GOLPH3L: variants seen among roughly 807,000 people sequenced by gnomAD.
GOLPH3L encodes golgi phosphoprotein 3 like.
Under a neutral mutation model 30.3 loss-of-function variants are expected in GOLPH3L, and 22 were observed. The observed-to-expected ratio is 0.73, with a 90% CI of 0.52 to 1.04. GOLPH3L has a LOEUF of 1.04. Among genes scored for constraint, GOLPH3L ranks in the 50% least tolerant of loss-of-function variants. GOLPH3L has a pLI of 0.00. For synonymous variants in GOLPH3L, 120 were observed against 128.2 expected (o/e 0.94, Z 0.43); for missense variants, 303 against 345.8 (o/e 0.88, Z 0.98).
chr1:150,692,777 CTA>C (rs1651242728), intron 2 of GOLPH3L, among the ~76,000 whole-genome samples: 1 of 152,174 alleles, frequency 6.6e-6, no homozygotes, highest in South Asian at 2.1e-4. Context: ...ATTTTTTATT[CTA>C]TTTCCTAAAA....
chr1:150,651,947 C>G (rs982020184), intron 4 of GOLPH3L, among the ~76,000 whole-genome samples: 1 of 152,092 alleles, frequency 6.6e-6, no homozygotes, highest in Non-Finnish European at 1.5e-5. Flanking sequence ...GAAAAACACT[C>G]AACCACACAT....
In GOLPH3L at chr1:150,662,130, G is replaced by C. The variant is rs2458394; in HGVS notation, c.316-202C>G. Among the ~76,000 whole-genome samples the C allele has an allele frequency of 0.021, 3,187 of 152,146 alleles. 128 individuals carry two copies. The highest frequency in any genetic ancestry group is 0.072 in the African/African-American group (2,998 of 41,454). ...AAAATAACATTTGAAGTGGGCCCTA[G>C]TGACAAACTGGATATGAATGATAAT... is the stretch of plus-strand genomic sequence containing the variant. On this transcript the variant is annotated intron_variant, in intron 3 of 4. Transcript: ENST00000271732.
At chr1:150,660,658 T>C (rs969131755) in intron 4 of GOLPH3L, among the ~76,000 whole-genome samples, 2 of 152,244 alleles carry the variant, frequency 1.3e-5, no homozygotes, top group Non-Finnish European at 2.9e-5. Flanking sequence ...GAAAACATTA[T>C]GCTTGGTGAA....
At chr1:150,651,962 G>T (rs1275971392) in intron 4 of GOLPH3L, among the ~76,000 whole-genome samples, 1 of 152,088 alleles carries the variant, frequency 6.6e-6, no homozygotes, top group African/African-American at 2.4e-5. Flanking sequence ...ACACATTGGA[G>T]AAGTTCAACA....
chr1:150,685,408 C>T (rs587766914), intron 2 of GOLPH3L, among the ~76,000 whole-genome samples: 9 of 152,246 alleles, frequency 5.9e-5, no homozygotes, highest in African/African-American at 2.2e-4. Flanking sequence ...TAATAGGAGG[C>T]ATAAATTAAA....
intron 2 of GOLPH3L, among the ~76,000 whole-genome samples, chr1:150,667,806 G>C (rs1650544318): frequency 6.6e-6 from 1 of 151,918 alleles, no homozygotes; most frequent in African/African-American, 2.4e-5. Context: ...GTGTTAGCTA[G>C]GATGGTCTTG....
rs1194162018 is a variant in GOLPH3L at position 150,648,267 on chromosome 1, G to A, written c.*54C>T. 8.2e-6 allele frequency: 10 copies of A among 1,214,890 alleles called. No individual in the cohort carries two copies. In the South Asian group the frequency reaches 1.3e-4, roughly 16 times the overall value. 75.3% of individuals were successfully genotyped at this position (1,214,890 alleles called of 1,614,324 possible). The stretch of plus-strand genomic sequence containing the variant: ...CTCATCACACAAAACTCAGTGATGG[G>A]GTCTCTGACAGTCACCAGCCAGCAG... On this transcript the variant is annotated 3_prime_UTR_variant, in exon 5 of 5. Transcript: ENST00000271732.
At chr1:150,648,874 A>C (rs587649587) in intron 4 of GOLPH3L, 126 bp from the exon 5 acceptor site, 1 of 648,866 alleles carries the variant, frequency 1.5e-6, no homozygotes, top group Non-Finnish European at 2.7e-6. Flanking sequence ...AATTCATTTA[A>C]TCCTTAGTCC....
chr1:150,675,600 C>T (rs757219207), intron 2 of GOLPH3L, among the ~76,000 whole-genome samples: 3 of 151,498 alleles, frequency 2.0e-5, no homozygotes, highest in Admixed American at 6.6e-5. Flanking sequence ...CATGTTGAAA[C>T]CCCGTCTCTA....
rs587746294 is a variant in GOLPH3L, at chr1:150,662,423, T to G, written c.316-495A>C. 2.0e-5 allele frequency among the ~76,000 whole-genome samples: 3 copies of G among 152,234 alleles called. No individual in the cohort carries two copies. In the East Asian group the frequency reaches 5.8e-4, roughly 29 times the overall value. The stretch of plus-strand genomic sequence containing the variant: ...GAAAGTCAGAAAAGGAAGTCAGTTT[T>G]GGGGAAAGGTTGATAATTTGGTTTT... On this transcript the variant is annotated intron_variant, in intron 3 of 4. Coordinates refer to ENST00000271732, the MANE Select transcript of GOLPH3L (RefSeq NM_018178.6).
rs769280245 is a variant in GOLPH3L at position 150,661,871 on chromosome 1, G to A, written c.373C>T (p.His125Tyr). Residue 125 changes from histidine to tyrosine, a missense_variant, in exon 4 of 5, where the codon CAC (histidine) becomes TAC (tyrosine). Physicochemically the swap from His to Tyr is moderately conservative, Grantham distance 83. Coordinates refer to ENST00000271732, the MANE Select transcript of GOLPH3L (RefSeq NM_018178.6). ...TCTGTGGGTTCAGTTGCTTTGATGTGTTTCAGAGTTTCATCCAGTAAAACA... is the reference window on the plus strand; with the variant it reads ...TCTGTGGGTTCAGTTGCTTTGATGTATTTCAGAGTTTCATCCAGTAAAACA... ...GDVLLDETLK[H>Y]IKATEPTETV... 6.2e-7 allele frequency: 1 copy of A among 1,600,846 alleles called. No homozygotes were observed. Among genetic ancestry groups the A allele is most frequent in the Non-Finnish European group, 8.6e-7 (1 of 1,167,874 alleles).
At chr1:150,655,921 T>C (rs1211446797) in intron 4 of GOLPH3L, among the ~76,000 whole-genome samples, 2 of 152,352 alleles carry the variant, frequency 1.3e-5, no homozygotes, top group East Asian at 3.9e-4. Flanking sequence ...GTTTCTTTAT[T>C]ATCCCCTTAG....
intron 2 of GOLPH3L, among the ~76,000 whole-genome samples, chr1:150,677,889 G>C (rs990870024): frequency 1.4e-4 from 21 of 151,018 alleles, no homozygotes; most frequent in Non-Finnish European, 2.7e-4. Flanking sequence ...GCCTCCCAAA[G>C]TGCTAGGATT....
chr1:150,694,953 C>A, intron 1 of GOLPH3L, 103 bp from the exon 2 acceptor site: 3 of 675,638 alleles, frequency 4.4e-6, no homozygotes, highest in South Asian at 4.2e-5. Flanking sequence ...GAAATATTTA[C>A]AGATTTAAAT....
At chr1:150,663,827 C>T (rs1346253442) in intron 2 of GOLPH3L, 64 bp from the exon 3 acceptor site, 11 of 1,443,114 alleles carry the variant, frequency 7.6e-6, no homozygotes, top group Non-Finnish European at 2.9e-6. Context: ...CCAGCAGGCA[C>T]CCTAAGAACA....
chr1:150,668,562 T>C (rs1209684252), intron 2 of GOLPH3L, among the ~76,000 whole-genome samples: 1 of 152,118 alleles, frequency 6.6e-6, no homozygotes, highest in Non-Finnish European at 1.5e-5. Context: ...TTTGTATTTT[T>C]AGTAGAGATG....
At chr1:150,669,354 G>A (rs1369073095) in intron 2 of GOLPH3L, among the ~76,000 whole-genome samples, 1 of 152,138 alleles carries the variant, frequency 6.6e-6, no homozygotes, top group East Asian at 1.9e-4. Flanking sequence ...GAATAGCCTG[G>A]AGGTAAGGGA....
At chr1:150,654,164 A>C (rs1650188402) in intron 4 of GOLPH3L, among the ~76,000 whole-genome samples, 1 of 152,156 alleles carries the variant, frequency 6.6e-6, no homozygotes, top group East Asian at 1.9e-4. Context: ...AGAGAAAGGG[A>C]CCAAAAGGAA....
At chr1:150,688,534 C>G (rs1362201418) in intron 2 of GOLPH3L, among the ~76,000 whole-genome samples, 1 of 152,080 alleles carries the variant, frequency 6.6e-6, no homozygotes, top group Admixed American at 6.6e-5. Flanking sequence ...GTTGGATCAC[C>G]TGAGGTCAGG....
Sources: allele counts gnomAD v4.1 joint callset (sites outside exome capture counted in the v4.1 genomes callset), GRCh38; gene constraint gnomAD v4.1.1; transcripts MANE v1.5; gene names NCBI Gene and HGNC (gene_info 2026-07-23, HGNC 2026-07-21).